Variants in HDAC9 observed in about 807,000 individuals in gnomAD.
The protein encoded by HDAC9 is histone deacetylase 9.
A neutral mutation model predicts 139.4 loss-of-function variants in HDAC9; 41 were observed. The observed-to-expected ratio is 0.29, with a 90% CI of 0.23 to 0.38. The LOEUF is 0.38. Ranked by LOEUF, HDAC9 falls within the 10% of genes least tolerant of loss-of-function variation. HDAC9 has a pLI of 1.00. For synonymous variants in HDAC9, 517 were observed against 476.2 expected, an observed-to-expected ratio of 1.09 and a Z score of -1.12; for missense variants, 1,147 against 1,297.0, an observed-to-expected ratio of 0.88 and a Z score of 1.78.
intron 1 of HDAC9, among the ~76,000 whole-genome samples, chr7:18,329,283 T>C (rs1451874889): frequency 6.6e-6 from 1 of 151,756 alleles, no homozygotes; most frequent in Non-Finnish European, 1.5e-5. Context: ...GTATTTTATA[T>C]TTCAAAATTA....
intron 22 of HDAC9, among the ~76,000 whole-genome samples, chr7:18,905,103 T>C (rs1198998391): frequency 2.0e-5 from 3 of 150,058 alleles, no homozygotes; most frequent in Admixed American, 1.3e-4. Flanking sequence ...GTTGGCCAGG[T>C]TGGTCTCAAA....
At chr7:18,230,952 A>G (rs1424787755) in intron 2 of HDAC9, among the ~76,000 whole-genome samples, 2 of 152,198 alleles carry the variant, frequency 1.3e-5, no homozygotes, top group African/African-American at 4.8e-5. Context: ...AATTTTAAAT[A>G]GTGAGAAAAG....
intron 1 of HDAC9, among the ~76,000 whole-genome samples, chr7:18,125,582 T>C (rs1029548049): frequency 2.0e-5 from 3 of 152,082 alleles, no homozygotes; most frequent in Admixed American, 1.3e-4. Flanking sequence ...TTTTGGGACA[T>C]GTAGACAGGG....
intron 25 of HDAC9, among the ~76,000 whole-genome samples, chr7:18,987,202 G>C (rs890077463): frequency 3.9e-5 from 6 of 152,206 alleles, no homozygotes; most frequent in South Asian, 2.1e-4. Context: ...TTGGCTGTGG[G>C]TTTGTCATAG....
At chr7:18,224,579 G>C (rs1050291921) in intron 2 of HDAC9, among the ~76,000 whole-genome samples, 1 of 152,072 alleles carries the variant, frequency 6.6e-6, no homozygotes, top group Non-Finnish European at 1.5e-5. Context: ...TTCTGGGAAG[G>C]GTTCAGTATT....
At chr7:18,544,686 G>A (rs112422726) in intron 2 of HDAC9, among the ~76,000 whole-genome samples, 2 of 152,162 alleles carry the variant, frequency 1.3e-5, no homozygotes, top group East Asian at 3.8e-4. Flanking sequence ...TGAATTAAGA[G>A]AACAGGAGGA....
chr7:18,606,417 T>A (rs1232166504), intron 6 of HDAC9, among the ~76,000 whole-genome samples: 1 of 152,222 alleles, frequency 6.6e-6, no homozygotes, highest in Non-Finnish European at 1.5e-5. Context: ...TACAAATTAA[T>A]GATTATATTT....
intron 1 of HDAC9, among the ~76,000 whole-genome samples, chr7:18,321,845 T>C (rs536679208): frequency 1.6e-4 from 24 of 152,310 alleles, no homozygotes; most frequent in African/African-American, 5.8e-4. Flanking sequence ...GTAACTTTTT[T>C]GTAGCTTTGA....
At chr7:18,405,193 C>CT (rs987448759) in intron 1 of HDAC9, among the ~76,000 whole-genome samples, 7 of 152,194 alleles carry the variant, frequency 4.6e-5, no homozygotes, top group Non-Finnish European at 8.8e-5. Flanking sequence ...TGAGGACATG[C>CT]TGTACATAGA....
intron 22 of HDAC9, among the ~76,000 whole-genome samples, chr7:18,918,882 G>C (rs946053754): frequency 6.6e-6 from 1 of 152,022 alleles, no homozygotes; most frequent in Admixed American, 6.6e-5. Context: ...ATTGTTTTGT[G>C]TTGAGAATCA....
chr7:18,242,380 A>T (rs1946578), intron 2 of HDAC9, among the ~76,000 whole-genome samples: 1 of 151,996 alleles, frequency 6.6e-6, no homozygotes, highest in Non-Finnish European at 1.5e-5. Flanking sequence ...GAAGAAACAG[A>T]AGTCCGATTG....
intron 7 of HDAC9, among the ~76,000 whole-genome samples, chr7:18,630,423 C>T (rs933295363): frequency 6.6e-6 from 1 of 151,876 alleles, no homozygotes; most frequent in African/African-American, 2.4e-5. Context: ...CTCTTTTGGC[C>T]ATGACAGTGT....
rs566841855 is a variant in HDAC9, at chr7:18,512,647, A to C, written c.22+16323A>C. Among the ~76,000 whole-genome samples the C allele has an allele frequency of 2.0e-5, 3 of 152,344 alleles. No individual in the cohort carries two copies. The South Asian group carries it at 6.2e-4, about 32-fold the overall frequency. ...ATACACTAAGTGATGTATAACAAGA[A>C]GTAAATCTTATTTCCACCTCAACTC... On this transcript the variant is annotated intron_variant, in intron 2 of 25. Transcript: ENST00000686413.
At chr7:18,322,344 G>A (rs1367822171) in intron 1 of HDAC9, among the ~76,000 whole-genome samples, 1 of 152,130 alleles carries the variant, frequency 6.6e-6, no homozygotes, top group Non-Finnish European at 1.5e-5. Flanking sequence ...GGGATATTGA[G>A]TGTAACTGTC....
chr7:18,785,983 CATT>C (rs1256474828), intron 16 of HDAC9, among the ~76,000 whole-genome samples: 3 of 151,990 alleles, frequency 2.0e-5, no homozygotes, highest in Non-Finnish European at 4.4e-5. Flanking sequence ...TTGTTATTGT[CATT>C]ATTATTTCTA....
chr7:18,631,541 A>G (rs770272886), intron 7 of HDAC9, among the ~76,000 whole-genome samples: 12 of 152,020 alleles, frequency 7.9e-5, no homozygotes, highest in Non-Finnish European at 1.5e-4. Flanking sequence ...AGAGCAGTTC[A>G]GTTGCTTTTG....
At chr7:18,517,419 G>T (rs1230277235) in intron 2 of HDAC9, among the ~76,000 whole-genome samples, 1 of 152,062 alleles carries the variant, frequency 6.6e-6, no homozygotes, top group Non-Finnish European at 1.5e-5. Context: ...ACCATGTTTG[G>T]GAATGAACGA....
intron 23 of HDAC9, among the ~76,000 whole-genome samples, chr7:18,939,040 C>T (rs1781846774): frequency 6.6e-6 from 1 of 152,124 alleles, no homozygotes; most frequent in Non-Finnish European, 1.5e-5. Flanking sequence ...TTATTTTTGG[C>T]TATATTGACT....
intron 23 of HDAC9, among the ~76,000 whole-genome samples, chr7:18,952,725 C>T (rs746190892): frequency 6.6e-6 from 1 of 151,256 alleles, no homozygotes; most frequent in Non-Finnish European, 1.5e-5. Context: ...CTTGAAGATA[C>T]AATTTGAAAT....
Sources: allele counts gnomAD v4.1 joint callset (sites outside exome capture counted in the v4.1 genomes callset), GRCh38; gene constraint gnomAD v4.1.1; transcripts MANE v1.5; gene names NCBI Gene and HGNC (gene_info 2026-07-23, HGNC 2026-07-21).